Variants in WDPCP observed in about 807,000 individuals in gnomAD.
The protein encoded by WDPCP is WD repeat-containing and planar cell polarity effector protein fritz homolog.
Under a neutral mutation model 93.1 loss-of-function variants are expected in WDPCP, and 71 were observed. That is an observed-to-expected ratio of 0.76 (90% CI 0.63 to 0.93). WDPCP has a LOEUF of 0.93. Ranked by LOEUF, WDPCP falls within the 40% of genes least tolerant of loss-of-function variation. The pLI, the probability that WDPCP is intolerant of heterozygous loss-of-function variation, is 0.00. For synonymous variants in WDPCP, 315 were observed against 315.0 expected, an observed-to-expected ratio of 1.00 and a Z score of 0.00; for missense variants, 844 against 887.4, an observed-to-expected ratio of 0.95 and a Z score of 0.62.
At chr2:63,829,315 T>C (rs891430504), upstream of WDPCP, among the ~76,000 whole-genome samples, 2 of 152,174 alleles carry the variant, frequency 1.3e-5, no homozygotes, top group African/African-American at 4.8e-5. Flanking sequence ...ATTGATTTCA[T>C]TGCCACAGCT....
intron 14 of WDPCP, among the ~76,000 whole-genome samples, chr2:63,244,222 G>A (rs1228291487): frequency 2.0e-5 from 3 of 152,106 alleles, no homozygotes. Flanking sequence ...AGTAAACACA[G>A]TATTAAGAGG....
intron 1 of WDPCP, among the ~76,000 whole-genome samples, chr2:63,554,649 T>C (rs1705940510): frequency 1.8e-5 from 1 of 54,372 alleles, no homozygotes; most frequent in African/African-American, 1.5e-4. Flanking sequence ...CGAAACTCCG[T>C]CTCAAAAAAA....
intron 1 of WDPCP, among the ~76,000 whole-genome samples, chr2:63,524,612 T>C (rs1192286420): frequency 6.6e-6 from 1 of 152,134 alleles, no homozygotes; most frequent in East Asian, 1.9e-4. Flanking sequence ...TCAAGATGGA[T>C]TAAAGATTTA....
At position 63,224,929 on chromosome 2, in the gene WDPCP, T is replaced by A. The variant is rs369757121; in HGVS notation, c.1915+34378A>T. 2.3e-4 allele frequency among the ~76,000 whole-genome samples: 35 copies of A among 152,010 alleles called. 1 individual carries two copies. The South Asian group carries it at 7.1e-3, about 31-fold the overall frequency. ...TGATGTATAAATATAGGCTCACCAA[T>A]TGTAACAGATGTACCATTCTAGAAG... On this transcript the variant is annotated intron_variant, in intron 14 of 17. Transcript: ENST00000272321.
chr2:63,487,894 G>A (rs946920054), intron 2 of WDPCP, among the ~76,000 whole-genome samples: 1 of 152,030 alleles, frequency 6.6e-6, no homozygotes, highest in African/African-American at 2.4e-5. Flanking sequence ...TCTGAGCTGT[G>A]GTTTTCTTTT....
chr2:63,777,157 T>A (rs899420933), intron 2 of WDPCP, among the ~76,000 whole-genome samples: 8 of 152,218 alleles, frequency 5.3e-5, no homozygotes, highest in Non-Finnish European at 1.2e-4. Flanking sequence ...TATATACATG[T>A]ATTGAAATAT....
rs367840806 is a variant in WDPCP at position 63,813,637 on chromosome 2, A to G, written n.293T>C. 15 of 152,290 alleles carry G rather than the reference A, an allele frequency of 9.8e-5. 1 individual carries two copies. In the South Asian group the frequency reaches 3.1e-3, roughly 32 times the overall value. 9.4% of individuals were successfully genotyped at this position (152,290 alleles called of 1,614,324 possible). On this transcript the variant is annotated non_coding_transcript_exon_variant, in exon 2 of 5. Transcript: ENST00000467687. Reference sequence around the variant, plus strand: ...TCCTACTCACCTTTTAAAAATGTCAATATGCTCTGTTAGAATGTGGGCTCC... The same window carrying G: ...TCCTACTCACCTTTTAAAAATGTCAGTATGCTCTGTTAGAATGTGGGCTCC...
At chr2:63,585,780 C>A (rs993311011) in intron 1 of WDPCP, among the ~76,000 whole-genome samples, 1 of 149,986 alleles carries the variant, frequency 6.7e-6, no homozygotes, top group African/African-American at 2.4e-5. Context: ...TTAACTAGAT[C>A]TATAACAATT....
At chr2:63,806,299 T>C (rs912663797) in intron 2 of WDPCP, among the ~76,000 whole-genome samples, 2 of 152,056 alleles carry the variant, frequency 1.3e-5, no homozygotes, top group African/African-American at 4.8e-5. Context: ...GTAGGTTCCG[T>C]GATGCCCCAC....
At chr2:63,319,229 A>G (rs1404185748) in intron 12 of WDPCP, among the ~76,000 whole-genome samples, 1 of 152,152 alleles carries the variant, frequency 6.6e-6, no homozygotes, top group Non-Finnish European at 1.5e-5. Flanking sequence ...GTTTTCTTCT[A>G]AGGGTTTTAT....
intron 2 of WDPCP, among the ~76,000 whole-genome samples, chr2:63,487,933 T>C (rs559561137): frequency 4.2e-4 from 64 of 152,220 alleles, no homozygotes; most frequent in African/African-American, 1.4e-3. Context: ...GTCTAGTTCC[T>C]ATTCTACGGC....
At chr2:63,200,915 G>C (rs1675859216) in intron 14 of WDPCP, among the ~76,000 whole-genome samples, 1 of 152,140 alleles carries the variant, frequency 6.6e-6, no homozygotes, top group Non-Finnish European at 1.5e-5. Flanking sequence ...TGTTAGGAAG[G>C]CATGATTGTG....
chr2:63,690,168 A>G (rs555224053), intron 2 of WDPCP, among the ~76,000 whole-genome samples: 1 of 152,312 alleles, frequency 6.6e-6, no homozygotes, highest in East Asian at 1.9e-4. Context: ...ACCCTGTTCA[A>G]AGCACTTCTA....
At chr2:63,293,975 T>A (rs969851412) in intron 13 of WDPCP, among the ~76,000 whole-genome samples, 1 of 152,128 alleles carries the variant, frequency 6.6e-6, no homozygotes, top group African/African-American at 2.4e-5. Flanking sequence ...CTCCCCAAAT[T>A]TGATGAAAGG....
At chr2:63,555,161 G>A (rs1705998513) in intron 1 of WDPCP, among the ~76,000 whole-genome samples, 1 of 152,220 alleles carries the variant, frequency 6.6e-6, no homozygotes, top group East Asian at 1.9e-4. Flanking sequence ...CAGTGCCAAG[G>A]AGACTGGGCA....
chr2:63,820,132 T>C (rs560849543), intron 1 of WDPCP, among the ~76,000 whole-genome samples: 1 of 152,316 alleles, frequency 6.6e-6, no homozygotes, highest in South Asian at 2.1e-4. Context: ...ACTGTCATTG[T>C]TATGACTTCA....
chr2:63,137,716 C>G (rs62180312), intron 17 of WDPCP, among the ~76,000 whole-genome samples: 1 of 151,904 alleles, frequency 6.6e-6, no homozygotes, highest in Non-Finnish European at 1.5e-5. Context: ...TAATCCATCT[C>G]GAGTTAATTT....
chr2:63,143,321 A>G (rs1402088314), intron 17 of WDPCP, among the ~76,000 whole-genome samples: 1 of 152,128 alleles, frequency 6.6e-6, no homozygotes, highest in African/African-American at 2.4e-5. Flanking sequence ...CTTATGTGTT[A>G]GGTGAGTCTT....
At chr2:63,569,792 G>A (rs1440724507) in intron 1 of WDPCP, among the ~76,000 whole-genome samples, 1 of 152,084 alleles carries the variant, frequency 6.6e-6, no homozygotes, top group African/African-American at 2.4e-5. Context: ...CTGGTAGATG[G>A]GGCTAGCAAG....
Sources: allele counts gnomAD v4.1 joint callset (sites outside exome capture counted in the v4.1 genomes callset), GRCh38; gene constraint gnomAD v4.1.1; transcripts MANE v1.5; gene names NCBI Gene and HGNC (gene_info 2026-07-23, HGNC 2026-07-21).